CDH13: variants seen among roughly 807,000 people sequenced by gnomAD.
CDH13 encodes cadherin 13.
In CDH13, 24 loss-of-function variants were observed where a neutral mutation model predicts 63.8. That is an observed-to-expected ratio of 0.38 (90% CI 0.27 to 0.53). The LOEUF (loss-of-function observed/expected upper bound fraction) is 0.53. Ranked by LOEUF, CDH13 falls within the 20% of genes least tolerant of loss-of-function variation. The probability of loss-of-function intolerance (pLI) is 0.85; values close to 1 mark genes in which losing one functional copy is unlikely to be tolerated. For synonymous variants in CDH13, 503 were observed against 355.3 expected (o/e 1.42, Z -4.67); for missense variants, 1,049 against 903.1 (o/e 1.16, Z -2.07).
intron 3 of CDH13, among the ~76,000 whole-genome samples, chr16:83,066,524 A>C (rs553860356): frequency 6.9e-6 from 1 of 144,400 alleles, no homozygotes; most frequent in African/African-American, 2.9e-5. Flanking sequence ...TGCTTACAAA[A>C]GGGATTATAA....
chr16:83,660,550 C>G (rs1386581712), intron 8 of CDH13, among the ~76,000 whole-genome samples: 1 of 152,142 alleles, frequency 6.6e-6, no homozygotes, highest in African/African-American at 2.4e-5. Context: ...TCTGTGTGGC[C>G]CGGTTACTAA....
intron 6 of CDH13, among the ~76,000 whole-genome samples, chr16:83,436,758 C>T (rs1296100053): frequency 2.6e-5 from 4 of 152,210 alleles, no homozygotes; most frequent in African/African-American, 9.7e-5. Context: ...GTGCCTGTGG[C>T]TGGGAGACCT....
intron 7 of CDH13, among the ~76,000 whole-genome samples, chr16:83,521,998 G>A (rs1216626156): frequency 6.6e-6 from 1 of 152,178 alleles, no homozygotes; most frequent in Non-Finnish European, 1.5e-5. Flanking sequence ...TCATGTGAGG[G>A]ATGGAGAGAT....
At chr16:83,170,016 G>GTTATT (rs2037853919) in intron 4 of CDH13, among the ~76,000 whole-genome samples, 1 of 151,878 alleles carries the variant, frequency 6.6e-6, no homozygotes, top group African/African-American at 2.4e-5. Context: ...CCTTCCAAAT[G>GTTATT]TTATTTTATT....
intron 6 of CDH13, among the ~76,000 whole-genome samples, chr16:83,410,870 C>T (rs574792698): frequency 9.2e-5 from 14 of 152,284 alleles, no homozygotes; most frequent in East Asian, 3.9e-4. Flanking sequence ...CAAATCACCA[C>T]GACAATAAGC....
intron 5 of CDH13, among the ~76,000 whole-genome samples, chr16:83,253,379 C>T (rs1905821788): frequency 6.6e-6 from 1 of 152,172 alleles, no homozygotes; most frequent in South Asian, 2.1e-4. Flanking sequence ...AAAGCCGCCT[C>T]AACTGCCCAG....
At chr16:83,081,711 G>C (rs72796262) in intron 3 of CDH13, among the ~76,000 whole-genome samples, 7,063 of 152,008 alleles carry the variant, frequency 0.046, 240 homozygotes, top group Non-Finnish European at 0.066. Flanking sequence ...GAGAGAAAGA[G>C]AGAGAGAGAA....
At chr16:82,890,275 A>C (rs1451146919) in intron 2 of CDH13, among the ~76,000 whole-genome samples, 1 of 152,232 alleles carries the variant, frequency 6.6e-6, no homozygotes, top group Non-Finnish European at 1.5e-5. Context: ...AACAATAGCC[A>C]TCTAGAGTTT....
At chr16:83,682,021 T>C (rs2150876578) in intron 10 of CDH13, among the ~76,000 whole-genome samples, 1 of 152,360 alleles carries the variant, frequency 6.6e-6, no homozygotes, top group Admixed American at 6.5e-5. Flanking sequence ...CATTTTAGTA[T>C]CTCTAATATC....
chr16:83,104,384 A>T (rs1289071338), intron 3 of CDH13, among the ~76,000 whole-genome samples: 1 of 152,170 alleles, frequency 6.6e-6, no homozygotes, highest in Non-Finnish European at 1.5e-5. Context: ...GCTGAATGAA[A>T]ATGTGAGGCT....
intron 12 of CDH13, 48 bp downstream of exon 12, chr16:83,780,249 ATTT>A: frequency 7.8e-7 from 1 of 1,286,804 alleles, no homozygotes; most frequent in Non-Finnish European, 1.1e-6. Flanking sequence ...CTTTCAGTTT[ATTT>A]TCTCTTTCCC....
At chr16:83,076,574 C>A (rs1156753579) in intron 3 of CDH13, among the ~76,000 whole-genome samples, 1 of 152,050 alleles carries the variant, frequency 6.6e-6, no homozygotes, top group South Asian at 2.1e-4. Flanking sequence ...CCCATAACCT[C>A]GATTCTACAG....
At chr16:82,824,503 A>G (rs1329891295) in intron 1 of CDH13, 1 of 152,222 alleles carries the variant, frequency 6.6e-6, no homozygotes, top group Non-Finnish European at 1.5e-5. Context: ...AAGAAAGACC[A>G]TATGACATTT....
At chr16:82,776,257 G>A (rs953879318) in intron 1 of CDH13, among the ~76,000 whole-genome samples, 7 of 151,018 alleles carry the variant, frequency 4.6e-5, no homozygotes, top group African/African-American at 1.5e-4. Flanking sequence ...AAGGGAGGGA[G>A]GGAGGGAGGA....
At chr16:82,998,534 G>T (rs1480674239) in intron 2 of CDH13, among the ~76,000 whole-genome samples, 1 of 152,044 alleles carries the variant, frequency 6.6e-6, no homozygotes, top group Non-Finnish European at 1.5e-5. Context: ...TTCTGTCCAG[G>T]AAATACTCTT....
intron 1 of CDH13, among the ~76,000 whole-genome samples, chr16:82,690,164 C>CAAAAA (rs35051579): frequency 3.8e-5 from 2 of 52,046 alleles, no homozygotes; most frequent in African/African-American, 7.6e-5. Context: ...AACTCTGTCT[C>CAAAAA]AAAAAAAAAA....
intron 1 of CDH13, among the ~76,000 whole-genome samples, chr16:82,668,985 C>T (rs1912928234): frequency 6.6e-6 from 1 of 152,196 alleles, no homozygotes; most frequent in South Asian, 2.1e-4. Flanking sequence ...GTACCTGGCA[C>T]AGTGCAGTCC....
intron 11 of CDH13, among the ~76,000 whole-genome samples, chr16:83,750,876 A>G (rs1056204320): frequency 2.6e-5 from 4 of 152,046 alleles, no homozygotes; most frequent in African/African-American, 7.2e-5. Flanking sequence ...GCACTTTGTT[A>G]TGGCAACTCT....
At chr16:83,260,064 T>C (rs1306168123) in intron 5 of CDH13, among the ~76,000 whole-genome samples, 2 of 47,296 alleles carry the variant, frequency 4.2e-5, no homozygotes, top group Non-Finnish European at 8.6e-5. Flanking sequence ...CAGTATATAA[T>C]AGTTTTTTTT....
Sources: allele counts gnomAD v4.1 joint callset (sites outside exome capture counted in the v4.1 genomes callset), GRCh38; gene constraint gnomAD v4.1.1; transcripts MANE v1.5; gene names NCBI Gene and HGNC (gene_info 2026-07-23, HGNC 2026-07-21).